The following KIF26B variants were observed in gnomAD, a reference collection of about 807,000 sequenced individuals.
The protein encoded by KIF26B is kinesin family member 26B, also known as kinesin-like protein KIF26B.
Under a neutral mutation model 151.2 loss-of-function variants are expected in KIF26B, and 63 were observed. The ratio of observed to expected loss-of-function variants is 0.42; its 90% confidence interval spans 0.34 to 0.51. The LOEUF is 0.51. Among genes scored for constraint, KIF26B ranks in the 20% least tolerant of loss-of-function variants. The pLI, the probability that KIF26B is intolerant of heterozygous loss-of-function variation, is 0.07. For synonymous variants in KIF26B, 1,357 were observed against 1,262.1 expected, an observed-to-expected ratio of 1.08 and a Z score of -1.59; for missense variants, 2,813 against 2,913.6, an observed-to-expected ratio of 0.97 and a Z score of 0.79.
At chr1:245,271,498 G>T (rs542340482) in intron 2 of KIF26B, among the ~76,000 whole-genome samples, 1 of 151,294 alleles carries the variant, frequency 6.6e-6, no homozygotes, top group East Asian at 1.9e-4. Context: ...TTCATATATG[G>T]ACTTTATTAT....
chr1:245,484,779 T>A (rs906592744), intron 4 of KIF26B, among the ~76,000 whole-genome samples: 1 of 150,080 alleles, frequency 6.7e-6, no homozygotes, highest in Admixed American at 6.6e-5. Context: ...ATTATTATTA[T>A]TATTATTATT....
intron 2 of KIF26B, among the ~76,000 whole-genome samples, chr1:245,303,904 A>C (rs1671488630): frequency 6.6e-6 from 1 of 152,198 alleles, no homozygotes; most frequent in Admixed American, 6.5e-5. Flanking sequence ...GAGGTGTGAG[A>C]CTGTGAAGAC....
chr1:245,633,391 A>AT (rs2043801951), intron 9 of KIF26B, among the ~76,000 whole-genome samples: 1 of 151,644 alleles, frequency 6.6e-6, no homozygotes, highest in East Asian at 1.9e-4. Context: ...TACTTCTGTG[A>AT]TTTTGTAAAC....
chr1:245,568,812 T>C (rs1262431128), intron 5 of KIF26B, among the ~76,000 whole-genome samples: 1 of 152,070 alleles, frequency 6.6e-6, no homozygotes, highest in Non-Finnish European at 1.5e-5. Flanking sequence ...ATCCCAAGAG[T>C]TTCATGATCT....
intron 9 of KIF26B, among the ~76,000 whole-genome samples, chr1:245,622,711 G>C (rs894555227): frequency 3.9e-5 from 6 of 152,118 alleles, no homozygotes; most frequent in Non-Finnish European, 8.8e-5. Flanking sequence ...TTGCTGTCCT[G>C]GCAGTAACAG....
At chr1:245,349,224 T>C (rs75075582) in intron 2 of KIF26B, among the ~76,000 whole-genome samples, 39 of 152,342 alleles carry the variant, frequency 2.6e-4, no homozygotes, top group African/African-American at 9.1e-4. Context: ...GCTTGGTCTT[T>C]TTAAAAGTAA....
Position 245,156,286 on chromosome 1 carries a change from A to G in KIF26B, c.68A>G (p.Asn23Ser). The G allele has an allele frequency of 1.3e-6, 2 of 1,546,752 alleles. No homozygotes were observed. Among genetic ancestry groups the G allele is most frequent in the Non-Finnish European group, 1.7e-6 (2 of 1,145,968 alleles). The change falls in exon 2 of 15, where the codon AAT (asparagine) becomes AGT (serine). Residue 23 changes from asparagine to serine, a missense_variant. By Grantham distance (46) the Asn-to-Ser change is conservative. Transcript: ENST00000407071. ...ACCGGCGTGTCTTCCCCGCAGGTGAATGAAGTCTGCTCGCCCACCAAGCCC... is the reference window on the plus strand; with the variant it reads ...ACCGGCGTGTCTTCCCCGCAGGTGAGTGAAGTCTGCTCGCCCACCAAGCCC... Reference protein sequence around the residue: ...VSTRGKKYGVNEVCSPTKPAA... With the variant: ...VSTRGKKYGVSEVCSPTKPAA...
intron 2 of KIF26B, among the ~76,000 whole-genome samples, chr1:245,336,445 C>T (rs1186279585): frequency 3.7e-4 from 56 of 152,186 alleles, no homozygotes; most frequent in Admixed American, 3.7e-3. Context: ...TGGATCTGGC[C>T]ACTTGGTGAA....
At chr1:245,410,832 C>T (rs1674261181) in intron 3 of KIF26B, among the ~76,000 whole-genome samples, 1 of 152,162 alleles carries the variant, frequency 6.6e-6, no homozygotes. Context: ...AGTATATTCA[C>T]ATTGTTACAC....
At chr1:245,370,376 T>G (rs1349499006) in intron 3 of KIF26B, among the ~76,000 whole-genome samples, 1 of 151,956 alleles carries the variant, frequency 6.6e-6, no homozygotes, top group Non-Finnish European at 1.5e-5. Context: ...TGTCATTACT[T>G]TCAATGGCAA....
At chr1:245,232,145 C>T (rs1670011570) in intron 2 of KIF26B, among the ~76,000 whole-genome samples, 1 of 152,216 alleles carries the variant, frequency 6.6e-6, no homozygotes, top group Non-Finnish European at 1.5e-5. Context: ...AATAATAAAA[C>T]AATGGAGCTA....
chr1:245,555,647 AC>A (rs1662004743), intron 5 of KIF26B, among the ~76,000 whole-genome samples: 1 of 151,968 alleles, frequency 6.6e-6, no homozygotes, highest in Non-Finnish European at 1.5e-5. Context: ...GACAAACGTC[AC>A]CCCCTGCATT....
Position 245,241,466 on chromosome 1 carries a change from G to C in KIF26B, c.465+84783G>C, listed in dbSNP as rs1670209647. ...GCACCAGCTGGCACTGCTGTGTTCA[G>C]AGCATGGGAGGAAGCAGCAGCAGCA... On this transcript the variant is annotated intron_variant, in intron 2 of 14. Transcript: ENST00000407071. The surrounding 1 kb of genome is among the most constrained non-coding windows in gnomAD (Gnocchi z 5.0). 6.6e-6 allele frequency among the ~76,000 whole-genome samples: 1 copy of C among 152,196 alleles called. No individual in the cohort carries two copies. The highest frequency in any genetic ancestry group is 2.1e-4 in the South Asian group (1 of 4,836).
chr1:245,678,985 A>C (rs1339950298), intron 10 of KIF26B, among the ~76,000 whole-genome samples: 1 of 152,092 alleles, frequency 6.6e-6, no homozygotes, highest in Non-Finnish European at 1.5e-5. Context: ...TGCTGCTCAA[A>C]GCCATGGATT....
intron 10 of KIF26B, among the ~76,000 whole-genome samples, chr1:245,655,516 C>T (rs1232636625): frequency 2.6e-5 from 4 of 152,176 alleles, no homozygotes; most frequent in Admixed American, 6.5e-5. Context: ...CTGCCTGATA[C>T]AGATACTTGG....
chr1:245,660,871 A>G (rs1333471485), intron 10 of KIF26B, among the ~76,000 whole-genome samples: 1 of 152,082 alleles, frequency 6.6e-6, no homozygotes, highest in Non-Finnish European at 1.5e-5. Flanking sequence ...GCTGGAGTGT[A>G]GTGGTGCGAT....
At chr1:245,539,274 T>C (rs185498587) in intron 4 of KIF26B, among the ~76,000 whole-genome samples, 1 of 152,304 alleles carries the variant, frequency 6.6e-6, no homozygotes, top group East Asian at 1.9e-4. Flanking sequence ...ATCAAAAGCA[T>C]GACACTTAAT....
chr1:245,476,458 A>G (rs577735575), intron 4 of KIF26B, among the ~76,000 whole-genome samples: 4 of 151,854 alleles, frequency 2.6e-5, no homozygotes, highest in Non-Finnish European at 4.4e-5. Context: ...GGGCAAATTT[A>G]TATTGTTTTT....
At position 245,560,644 on chromosome 1, in the gene KIF26B, T is replaced by A. The variant is rs2042937713; in HGVS notation, c.1350+19694T>A. 2.0e-5 allele frequency among the ~76,000 whole-genome samples: 3 copies of A among 152,114 alleles called. No homozygotes were observed. Among genetic ancestry groups the A allele is most frequent in the African/African-American group, 7.2e-5 (3 of 41,416 alleles). On this transcript the variant is annotated intron_variant, in intron 5 of 14. Transcript: ENST00000407071. The surrounding 1 kb of genome is among the most constrained non-coding windows in gnomAD (Gnocchi z 4.3). ...GAGGTTCTCAGAGACCCCATAAGTT[T>A]CTGGAAAAGTGGGAAACGCAAACCT...
Sources: gnomAD v4.1 joint callset for allele counts (sites outside exome capture counted in the v4.1 genomes callset) on GRCh38, gnomAD v4.1.1 for gene constraint, Gnocchi (gnomAD v3.1) non-coding constraint, MANE v1.5 for transcripts, NCBI Gene and HGNC (gene_info 2026-07-23, HGNC 2026-07-21) for gene names.